Variants in CACNA1E observed in about 807,000 individuals in gnomAD.
The protein encoded by CACNA1E is calcium voltage-gated channel subunit alpha1 E, also known as voltage-dependent R-type calcium channel subunit alpha-1E.
CACNA1E carries 40 observed loss-of-function variants against 259.2 expected under a neutral mutation model. The ratio of observed to expected loss-of-function variants is 0.15; its 90% CI spans 0.12 to 0.20. The LOEUF is 0.20. CACNA1E is among the 10% of genes least tolerant of loss of function. The pLI is 1.00. For missense variants in CACNA1E, 1,874 were observed against 3,040.1 expected (o/e 0.62, Z 9.02); for synonymous variants, 1,104 against 1,138.5 (o/e 0.97, Z 0.61).
intron 1 of CACNA1E, among the ~76,000 whole-genome samples, chr1:181,381,978 C>T (rs1189365497): frequency 6.6e-6 from 1 of 152,108 alleles, no homozygotes; most frequent in Non-Finnish European, 1.5e-5. Context: ...TGCACATGAG[C>T]ATGGAGGTGA....
At chr1:181,679,440 G>T (rs1649706194) in intron 7 of CACNA1E, among the ~76,000 whole-genome samples, 1 of 152,194 alleles carries the variant, frequency 6.6e-6, no homozygotes, top group Non-Finnish European at 1.5e-5. Flanking sequence ...CAGAGCAAAG[G>T]TCCTATTAGA....
At chr1:181,586,176 C>G in intron 6 of CACNA1E, among the ~76,000 whole-genome samples, 1 of 152,128 alleles carries the variant, frequency 6.6e-6, no homozygotes, top group East Asian at 1.9e-4. Flanking sequence ...TGGGAGAAAG[C>G]AGCAAGAAGA....
chr1:181,540,021 C>T (rs1333211585), intron 3 of CACNA1E, among the ~76,000 whole-genome samples: 2 of 152,196 alleles, frequency 1.3e-5, no homozygotes, highest in Non-Finnish European at 2.9e-5. Flanking sequence ...CTTATCATCA[C>T]CATCAGCAGA....
rs550093560 is a variant in CACNA1E, at chr1:181,483,683, G to A, written c.-62G>A. ...GTCTCCGTGTGTCTTTCTGCTTGTTGCTGTGTGCGGGTGTTCGGCCGCGAT... is the reference window on the plus strand; with the variant it reads ...GTCTCCGTGTGTCTTTCTGCTTGTTACTGTGTGCGGGTGTTCGGCCGCGAT... On this transcript the variant is annotated 5_prime_UTR_variant, in exon 1 of 48. Transcript: ENST00000367573. The A allele has an allele frequency of 3.8e-4, 467 of 1,237,880 alleles. 2 individuals carry two copies. The African/African-American group carries it at 6.4e-3, about 17-fold the overall frequency. 76.7% of individuals were successfully genotyped at this position (1,237,880 alleles called of 1,614,324 possible). A position where few individuals can be genotyped will look rare whatever the true frequency, so the allele number is the denominator to read the frequency against.
intron 2 of CACNA1E, among the ~76,000 whole-genome samples, chr1:181,471,146 G>T (rs973969508): frequency 9.2e-5 from 14 of 152,134 alleles, no homozygotes; most frequent in African/African-American, 3.4e-4. Context: ...CTTCTCTCCA[G>T]CCCTTTTATA....
intron 3 of CACNA1E, among the ~76,000 whole-genome samples, chr1:181,540,148 G>C (rs1371672430): frequency 6.6e-6 from 1 of 152,060 alleles, no homozygotes. Context: ...AAAATCCCCC[G>C]ATGTAAACGC....
chr1:181,648,885 G>A (rs768698892), intron 6 of CACNA1E, among the ~76,000 whole-genome samples: 29 of 152,056 alleles, frequency 1.9e-4, no homozygotes, highest in Non-Finnish European at 3.8e-4. Flanking sequence ...GCCAAGGAAT[G>A]TTGGGGTGCT....
chr1:181,485,632 T>C lies in CACNA1E; in HGVS notation c.266+1622T>C, dbSNP rs1001317367. Among the ~76,000 whole-genome samples the C allele has an allele frequency of 6.6e-6, 1 of 152,192 alleles. No homozygotes were observed. The highest frequency in any genetic ancestry group is 1.5e-5 in the Non-Finnish European group (1 of 68,030). ...TCGGGCGGGGGAGGGGTCGGGTCCC[T>C]GCAGTCACGCCTGCCGGTGCGCTGC... On this transcript the variant is annotated intron_variant, in intron 1 of 47. Transcript: ENST00000367573. This position sits in a 1 kb window ranked among gnomAD's most constrained non-coding sequence, Gnocchi z 4.2.
At chr1:181,659,789 A>G (rs1038858473) in intron 7 of CACNA1E, among the ~76,000 whole-genome samples, 1 of 152,192 alleles carries the variant, frequency 6.6e-6, no homozygotes, top group Non-Finnish European at 1.5e-5. Context: ...TTATTTGGAA[A>G]TGAGAAGAGG....
At chr1:181,698,738 A>T (rs964206966) in intron 7 of CACNA1E, among the ~76,000 whole-genome samples, 3 of 152,086 alleles carry the variant, frequency 2.0e-5, no homozygotes, top group African/African-American at 7.2e-5. Context: ...TGTTTCATTT[A>T]TCTCTAATAG....
intron 6 of CACNA1E, among the ~76,000 whole-genome samples, chr1:181,639,126 C>T (rs1457186871): frequency 2.0e-5 from 3 of 150,422 alleles, no homozygotes; most frequent in Non-Finnish European, 2.9e-5. Flanking sequence ...CTCGCTATGT[C>T]TCCCAGGCTG....
intron 27 of CACNA1E, among the ~76,000 whole-genome samples, chr1:181,752,891 A>G (rs1657724208): frequency 6.6e-6 from 1 of 152,020 alleles, no homozygotes; most frequent in Admixed American, 6.6e-5. Flanking sequence ...TCCACCTTCC[A>G]CGAGTCTCCC....
Position 181,758,853 on chromosome 1 carries a change from C to A in CACNA1E, c.4590C>A (p.Ile1530=). 1 of 1,605,722 alleles carries A rather than the reference C, an allele frequency of 6.2e-7. No individual in the cohort carries two copies. The highest frequency in any genetic ancestry group is 8.5e-7 in the Non-Finnish European group (1 of 1,172,572). ...CCCTGGAATGTGTCCTGAAGGTCAT[C>A]GCTTTTGGCTTTTTGGTATGTTGCT... is the stretch of plus-strand genomic sequence containing the variant. ...VFSLECVLKV[I]AFGFLNYFRD... The change falls in exon 32 of 48, where the codon ATC becomes ATA. Residue 1530 remains isoleucine (I), a synonymous_variant. Coordinates refer to ENST00000367573, the MANE Select transcript of CACNA1E (RefSeq NM_001205293.3). This position sits in a 1 kb window ranked among gnomAD's most constrained non-coding sequence, Gnocchi z 4.2.
At chr1:181,419,766 G>A (rs1256275458) in intron 2 of CACNA1E, among the ~76,000 whole-genome samples, 2 of 152,234 alleles carry the variant, frequency 1.3e-5, no homozygotes, top group African/African-American at 4.8e-5. Context: ...GGAGGCAGCT[G>A]AGTTCCCTGT....
intron 2 of CACNA1E, among the ~76,000 whole-genome samples, chr1:181,450,400 G>A (rs1248830573): frequency 2.7e-5 from 4 of 148,056 alleles, no homozygotes; most frequent in Admixed American, 6.9e-5. Flanking sequence ...AAACAAAGTG[G>A]AGATTTTCAG....
intron 35 of CACNA1E, 137 bp downstream of exon 35, chr1:181,766,748 C>A (rs1245664328): frequency 1.5e-6 from 1 of 665,534 alleles, no homozygotes; most frequent in Non-Finnish European, 2.7e-6. Flanking sequence ...GGTCTTGTCA[C>A]AGTGTGACCT....
intron 2 of CACNA1E, among the ~76,000 whole-genome samples, chr1:181,425,184 G>A: frequency 6.6e-6 from 1 of 152,094 alleles, no homozygotes; most frequent in East Asian, 1.9e-4. Flanking sequence ...TGTGTAGCTG[G>A]AGGGGCTGGG....
intron 2 of CACNA1E, among the ~76,000 whole-genome samples, chr1:181,461,779 T>A (rs189123056): frequency 6.6e-6 from 1 of 152,096 alleles, no homozygotes; most frequent in Non-Finnish European, 1.5e-5. Context: ...GATTTTTTTT[T>A]TTTTGGGAAA....
At chr1:181,688,142 C>G (rs1390373777) in intron 7 of CACNA1E, among the ~76,000 whole-genome samples, 1 of 152,166 alleles carries the variant, frequency 6.6e-6, no homozygotes, top group Non-Finnish European at 1.5e-5. Flanking sequence ...TAGAACATTA[C>G]TGATGCCAGG....
Sources: gnomAD v4.1 joint callset for allele counts (sites outside exome capture counted in the v4.1 genomes callset) on GRCh38, gnomAD v4.1.1 for gene constraint, Gnocchi (gnomAD v3.1) non-coding constraint, MANE v1.5 for transcripts, NCBI Gene and HGNC (gene_info 2026-07-23, HGNC 2026-07-21) for gene names.